The following TAF1C variants were observed in gnomAD, a reference collection of about 807,000 sequenced individuals.
TAF1C encodes TATA-box binding protein associated factor, RNA polymerase I subunit C.
TAF1C carries 79 observed loss-of-function variants against 70.5 expected under a neutral mutation model. The observed-to-expected ratio is 1.12, with a 90% CI of 0.93 to 1.35. The LOEUF (loss-of-function observed/expected upper bound fraction) is 1.35, where lower values mean the gene tolerates loss of function less well. TAF1C is among the 40% of genes most tolerant of loss of function. The pLI is 0.00. For missense variants in TAF1C, 1,412 were observed against 1,127.8 expected (o/e 1.25, Z -3.61); for synonymous variants, 614 against 491.1 (o/e 1.25, Z -3.31).
At position 84,181,382 on chromosome 16, in the gene TAF1C, G is replaced by A. The variant is rs1489732213; in HGVS notation, c.1110C>T (p.His370=). 2 of 1,613,868 alleles carry A rather than the reference G, an allele frequency of 1.2e-6. No individual in the cohort carries two copies. Among genetic ancestry groups the A allele is most frequent in the Non-Finnish European group, 8.5e-7 (1 of 1,179,998 alleles). Residue 370 remains histidine, a synonymous_variant, in exon 11 of 15, where the codon CAC becomes CAT. Transcript: ENST00000566732. ...SSWRWADFTA[H]PRVLTVGDRT... is the part of the protein sequence containing the mutation. Reference sequence around the variant, plus strand: ...GGTCACCCACGGTCAGCACCCGAGGGTGCGCAGTGAAGTCTGCCCAACGCC... The same window carrying A: ...GGTCACCCACGGTCAGCACCCGAGGATGCGCAGTGAAGTCTGCCCAACGCC...
chr16:84,184,682 G>T (rs996510824), intron 2 of TAF1C, among the ~76,000 whole-genome samples, 169 bp downstream of exon 2: 1 of 152,202 alleles, frequency 6.6e-6, no homozygotes, highest in African/African-American at 2.4e-5. Context: ...TCCGTCTAGG[G>T]ATGGCAGGGT....
At position 84,184,912 on chromosome 16, in the gene TAF1C, G is replaced by A. The variant is rs1016182143; in HGVS notation, c.77C>T (p.Ser26Phe). 3 of 1,613,646 alleles carry A rather than the reference G, an allele frequency of 1.9e-6. No homozygotes were observed. The highest frequency in any genetic ancestry group is 2.5e-6 in the Non-Finnish European group (3 of 1,179,840). ...TGCGTCTCGCCAGCTGCACATGAAAGAGAGGTCAGGGACGTCGCTCAGACC... is the reference window on the plus strand; with the variant it reads ...TGCGTCTCGCCAGCTGCACATGAAAAAGAGGTCAGGGACGTCGCTCAGACC... ...PLGLSDVPDL[S>F]FMCSWRDALT... Residue 26 changes from serine (S) to phenylalanine (F), a missense_variant, in exon 2 of 15, where the codon TCT becomes TTT. By Grantham distance (155) the Ser-to-Phe change is radical (BLOSUM62 -2). Coordinates refer to ENST00000566732, the MANE Select transcript of TAF1C (RefSeq NM_001243156.2).
At chr16:84,180,106 G>T in intron 13 of TAF1C, 23 bp from the exon 14 acceptor site, 1 of 1,580,332 alleles carries the variant, frequency 6.3e-7, no homozygotes. Context: ...AGACAGCTGA[G>T]GCCCTGTCCA....
chr16:84,179,187 C>A lies in TAF1C; in HGVS notation c.2286G>T (p.Leu762=). Residue 762 remains leucine (L), a synonymous_variant, in exon 15 of 15, where the codon CTG becomes CTT. Transcript: ENST00000566732. ...PEWPPADALP[L]PPTTPPSQEL... ...CCTGGGAGGGCGGGGTCGTGGGGGGCAGGGGCAGAGCATCAGCAGGTGGCC... is the reference window on the plus strand; with the variant it reads ...CCTGGGAGGGCGGGGTCGTGGGGGGAAGGGGCAGAGCATCAGCAGGTGGCC... 3 of 1,590,838 alleles carry A rather than the reference C, an allele frequency of 1.9e-6. No homozygotes were observed. Among genetic ancestry groups the A allele is most frequent in the Non-Finnish European group, 2.6e-6 (3 of 1,174,358 alleles).
rs369648660 is a variant in TAF1C, at chr16:84,182,088, A to C, written c.722-30T>G. ...GCCTCTCACTAAGGATCAGTGCACG[A>C]GCTATGATCACTGCAAGCCCCCCAA... On this transcript the variant is annotated intron_variant, in intron 7 of 14. Coordinates refer to ENST00000566732, the MANE Select transcript of TAF1C (RefSeq NM_001243156.2). The surrounding 1 kb of genome is among the most constrained non-coding windows in gnomAD (Gnocchi z 5.0). 1.2e-6 allele frequency: 2 copies of C among 1,604,908 alleles called. No individual in the cohort carries two copies. The highest frequency in any genetic ancestry group is 1.3e-5 in the African/African-American group (1 of 74,806).
Position 84,177,926 on chromosome 16 carries a change from C to T in TAF1C, c.*1015G>A. On this transcript the variant is annotated 3_prime_UTR_variant, in exon 15 of 15. Transcript: ENST00000566732. Reference sequence around the variant, plus strand: ...TAAACATTTTAACACCCACGCGAGTCAGTGTATGATTGGGCTAGCTCCTGT... The same window carrying T: ...TAAACATTTTAACACCCACGCGAGTTAGTGTATGATTGGGCTAGCTCCTGT... 1 of 1,155,062 alleles carries T rather than the reference C, an allele frequency of 8.7e-7. No homozygotes were observed. Among genetic ancestry groups the T allele is most frequent in the Non-Finnish European group, 1.3e-6 (1 of 774,052 alleles). The allele number at this position is 1,155,062 out of a possible 1,614,324, so 71.6% of individuals were successfully genotyped here.
chr16:84,182,534 T>C lies in TAF1C; in HGVS notation c.483-94A>G. 8.5e-7 allele frequency: 1 copy of C among 1,180,890 alleles called. No homozygotes were observed. The highest frequency in any genetic ancestry group is 1.2e-6 in the Non-Finnish European group (1 of 855,512). 73.2% of individuals were successfully genotyped at this position (1,180,890 alleles called of 1,614,324 possible). On this transcript the variant is annotated intron_variant, in intron 6 of 14. Transcript: ENST00000566732. This position sits in a 1 kb window ranked among gnomAD's most constrained non-coding sequence, Gnocchi z 5.0. Reference sequence around the variant, plus strand: ...AGGCCAAGTGCAGTGGACACATTTCTTATTTACCTAGAATTTCTTCCTTTG... The same window carrying C: ...AGGCCAAGTGCAGTGGACACATTTCCTATTTACCTAGAATTTCTTCCTTTG...
At position 84,181,052 on chromosome 16, in the gene TAF1C, G is replaced by C; in HGVS notation, c.1299C>G (p.Val433=). The C allele has an allele frequency of 1.2e-6, 2 of 1,609,274 alleles. No individual in the cohort carries two copies. Among genetic ancestry groups the C allele is most frequent in the Non-Finnish European group, 1.7e-6 (2 of 1,176,242 alleles). Residue 433 remains valine (V), a synonymous_variant, in exon 12 of 15, where the codon GTC becomes GTG. Transcript: ENST00000566732. ...GTTGTGTGCCACTCACCTGGGTACA[G>C]ACGAGATGAAGAGTAGGGGGGAGGC... ...PKCLPPTLHL[V]CTQFSLYLVD...
chr16:84,181,888 G>A (rs2089219510), intron 8 of TAF1C, 25 bp from the exon 9 acceptor site: 2 of 1,614,178 alleles, frequency 1.2e-6, no homozygotes, highest in African/African-American at 2.7e-5. Flanking sequence ...AAAGGGCCAG[G>A]GGTCAGGTAG....
Position 84,187,009 on chromosome 16 carries a change from G to T in TAF1C, c.-181C>A, listed in dbSNP as rs557480304. Reference sequence around the variant, plus strand: ...AAGTAGAACCCCAGCTTTGGCACTCGGGACGGGTCAGCCCCGCCGCAGCTA... The same window carrying T: ...AAGTAGAACCCCAGCTTTGGCACTCTGGACGGGTCAGCCCCGCCGCAGCTA... On this transcript the variant is annotated 5_prime_UTR_variant, in exon 1 of 15. Coordinates refer to ENST00000566732, the MANE Select transcript of TAF1C (RefSeq NM_001243156.2). 6.6e-6 allele frequency: 1 copy of T among 152,244 alleles called. No individual in the cohort carries two copies. The highest frequency in any genetic ancestry group is 2.4e-5 in the African/African-American group (1 of 41,530). The allele number at this position is 152,244 out of a possible 1,614,324, so 9.4% of individuals were successfully genotyped here.
At position 84,178,425 on chromosome 16, in the gene TAF1C, A is replaced by G; in HGVS notation, c.*516T>C. Reference sequence around the variant, plus strand: ...TATTTAGTCCCTGAACCTGGATCCAAGGCATCTCCCTGTAGGAAACATCAG... The same window carrying G: ...TATTTAGTCCCTGAACCTGGATCCAGGGCATCTCCCTGTAGGAAACATCAG... On this transcript the variant is annotated 3_prime_UTR_variant, in exon 15 of 15. Coordinates refer to ENST00000566732, the MANE Select transcript of TAF1C (RefSeq NM_001243156.2). The G allele has an allele frequency of 2.2e-6, 1 of 457,780 alleles. No individual in the cohort carries two copies. Among genetic ancestry groups the G allele is most frequent in the Non-Finnish European group, 4.4e-6 (1 of 228,012 alleles). The allele number at this position is 457,780 out of a possible 1,614,324, so 28.4% of individuals were successfully genotyped here. A position where few individuals can be genotyped will look rare whatever the true frequency, so the allele number is the denominator to read the frequency against.
rs1015965116 is a variant in TAF1C at position 84,180,880 on chromosome 16, A to T, written c.1308+163T>A. The T allele has an allele frequency of 7.7e-6, 11 of 1,424,508 alleles. No homozygotes were observed. In the Admixed American group the frequency reaches 1.7e-4, roughly 22 times the overall value. The allele number at this position is 1,424,508 out of a possible 1,614,324, so 88.2% of individuals were successfully genotyped here. A position where few individuals can be genotyped will look rare whatever the true frequency, so the allele number is the denominator to read the frequency against. ...CTTCCCCACCTGCCTGTTAGCACCGACTGTGGGATCCACTGCGTGTTTGGG... is the reference window on the plus strand; with the variant it reads ...CTTCCCCACCTGCCTGTTAGCACCGTCTGTGGGATCCACTGCGTGTTTGGG... On this transcript the variant is annotated intron_variant, in intron 12 of 14. Transcript: ENST00000566732.
chr16:84,180,393 T>C (rs1004949385), intron 12 of TAF1C, 49 bp from the exon 13 acceptor site: 2 of 1,512,284 alleles, frequency 1.3e-6, no homozygotes, highest in Non-Finnish European at 1.8e-6. Context: ...GGAGCTGAGC[T>C]GTGTAGTGGC....
At chr16:84,180,412 C>CCCCATGTGGCTCTCCAGGT in intron 12 of TAF1C, 68 bp from the exon 13 acceptor site, 1 of 1,464,540 alleles carries the variant, frequency 6.8e-7, no homozygotes, top group East Asian at 2.5e-5. Flanking sequence ...GCCCTCCAGG[C>CCCCATGTGGCTCTCCAGGT]CCCATGTGGC....
intron 1 of TAF1C, 114 bp from the exon 2 acceptor site, chr16:84,185,174 C>T (rs2089415118): frequency 4.7e-6 from 3 of 635,348 alleles, no homozygotes; most frequent in African/African-American, 1.9e-5. Context: ...TAAAGCCAAC[C>T]ACCCGTCCAG....
chr16:84,179,002 T>C lies in TAF1C; in HGVS notation c.2471A>G (p.Gln824Arg). 6.2e-7 allele frequency: 1 copy of C among 1,610,838 alleles called. No homozygotes were observed. Among genetic ancestry groups the C allele is most frequent in the Non-Finnish European group, 8.5e-7 (1 of 1,179,966 alleles). ...ASSVRATRSQ[Q>R]HTPVLSSSQP... ...AGAGCTAGAGAGGACGGGTGTGTGC[T>C]GCTGGGAGCGAGTGGCCCGGACGCT... Residue 824 changes from glutamine (Q) to arginine (R), a missense_variant, in exon 15 of 15, where the codon CAG (glutamine) becomes CGG (arginine). Coordinates refer to ENST00000566732, the MANE Select transcript of TAF1C (RefSeq NM_001243156.2).
intron 10 of TAF1C, 45 bp downstream of exon 10, chr16:84,181,547 A>G (rs775678987): frequency 2.5e-6 from 4 of 1,613,592 alleles, no homozygotes; most frequent in African/African-American, 1.3e-5. Context: ...AACAGGGCGG[A>G]GTTCAGTTCG....
rs767427337 is a variant in TAF1C at position 84,179,953 on chromosome 16, C to T, written c.1614G>A (p.Pro538=). The T allele has an allele frequency of 3.5e-5, 56 of 1,612,166 alleles. No homozygotes were observed. The highest frequency in any genetic ancestry group is 5.5e-5 in the South Asian group (5 of 91,052). The change falls in exon 14 of 15, where the codon CCG becomes CCA. Residue 538 remains proline (P), a synonymous_variant. Coordinates refer to ENST00000566732, the MANE Select transcript of TAF1C (RefSeq NM_001243156.2). ...CTCCCCCACCCAGCACACCTATGGT[C>T]GGTGCTTTCAGGCGCTCCTGCAGCC... ...QWRLQERLKA[P]TIGLAAVVPP... is the part of the protein sequence containing the mutation.
At position 84,181,833 on chromosome 16, in the gene TAF1C, C is replaced by T. The variant is rs1331783341; in HGVS notation, c.869G>A (p.Cys290Tyr). The change falls in exon 9 of 15, where the codon TGT (cysteine) becomes TAT (tyrosine). Residue 290 changes from cysteine to tyrosine, a missense_variant. Coordinates refer to ENST00000566732, the MANE Select transcript of TAF1C (RefSeq NM_001243156.2). ...CTGTTTACCAAACTTCCACACGGCA[C>T]AGTGGTAGTCAGAGCGGACGGCCAG... ...TLLAVRSDYH[C>Y]AVWKFGKQWQ... The T allele has an allele frequency of 6.2e-7, 1 of 1,614,056 alleles. No homozygotes were observed. Among genetic ancestry groups the T allele is most frequent in the Non-Finnish European group, 8.5e-7 (1 of 1,180,046 alleles).
Sources: gnomAD v4.1 joint callset for allele counts (sites outside exome capture counted in the v4.1 genomes callset) on GRCh38, gnomAD v4.1.1 for gene constraint, Gnocchi (gnomAD v3.1) non-coding constraint, MANE v1.5 for transcripts, NCBI Gene and HGNC (gene_info 2026-07-23, HGNC 2026-07-21) for gene names.